The following LRP2 variants were observed in gnomAD, a reference collection of about 807,000 sequenced individuals.
LRP2 encodes LDL receptor related protein 2.
A neutral mutation model predicts 531.0 loss-of-function variants in LRP2; 172 were observed. That is an observed-to-expected ratio of 0.32 (90% CI 0.29 to 0.37). The LOEUF is 0.37. Among genes scored for constraint, LRP2 ranks in the 10% least tolerant of loss-of-function variants. LRP2 has a pLI of 1.00. For synonymous variants in LRP2, 1,992 were observed against 2,027.6 expected (o/e 0.98, Z 0.47); for missense variants, 5,167 against 5,868.3 (o/e 0.88, Z 3.90).
chr2:169,247,545 T>C (rs1421874289), intron 19 of LRP2, 30 bp from the exon 20 acceptor site: 1 of 1,612,920 alleles, frequency 6.2e-7, no homozygotes, highest in Non-Finnish European at 8.5e-7. Context: ...GATTAGTATT[T>C]TCAGTCACAG....
chr2:169,177,808 G>C lies in LRP2; in HGVS notation c.10388C>G (p.Pro3463Arg), dbSNP rs1687255672. 1 of 1,614,026 alleles carries C rather than the reference G, an allele frequency of 6.2e-7. No homozygotes were observed. Among genetic ancestry groups the C allele is most frequent in the Non-Finnish European group, 8.5e-7 (1 of 1,179,926 alleles). Reference sequence around the variant, plus strand: ...CCCCTCAATCACCTACTCACCAATGGGCTGCCTATATGGATGGTACACATG... The same window carrying C: ...CCCCTCAATCACCTACTCACCAATGCGCTGCCTATATGGATGGTACACATG... ...DIHVYHPYRQPIVSNPCGTNN... is the reference protein window; with the variant it reads ...DIHVYHPYRQRIVSNPCGTNN... Residue 3463 changes from proline to arginine, a missense_variant, in exon 53 of 79, where the codon CCC becomes CGC. Pro to Arg is a moderately radical substitution (Grantham distance 103). Around this residue, in one of 6 missense-constraint regions of LRP2, gnomAD observed 1,129 missense variants for 1,362.7 expected, o/e 0.83. Coordinates refer to ENST00000649046, the MANE Select transcript of LRP2 (RefSeq NM_004525.3).
In LRP2 at chr2:169,191,990, G is replaced by A. The variant is rs1040475934; in HGVS notation, c.8874C>T (p.Asp2958=). 1 of 1,614,084 alleles carries A rather than the reference G, an allele frequency of 6.2e-7. No individual in the cohort carries two copies. The highest frequency in any genetic ancestry group is 2.2e-5 in the East Asian group (1 of 44,886). The change falls in exon 48 of 79, where the codon GAC becomes GAT. Residue 2958 remains aspartate (D), a synonymous_variant. Transcript: ENST00000649046. ...GAATGCACCTCCTGTCCGGAGGTCT[G>A]TCATTTACACAGAGAAACTCGGAAT... ...CSDSEFLCVN[D]RPPDRRCIPQ... is the part of the protein sequence containing the mutation.
chr2:169,135,286 T>A (rs1330924082), intron 76 of LRP2, among the ~76,000 whole-genome samples: 1 of 152,062 alleles, frequency 6.6e-6, no homozygotes, highest in African/African-American at 2.4e-5. Flanking sequence ...AGCTCGGGGT[T>A]TTTCCCCCGC....
intron 6 of LRP2, among the ~76,000 whole-genome samples, chr2:169,293,260 C>T (rs1030409663): frequency 4.6e-5 from 7 of 152,096 alleles, no homozygotes; most frequent in African/African-American, 1.7e-4. Flanking sequence ...TTACTCTTTC[C>T]AAAAAACATA....
chr2:169,297,618 C>T (rs941355451), intron 4 of LRP2, among the ~76,000 whole-genome samples: 4 of 152,092 alleles, frequency 2.6e-5, no homozygotes, highest in African/African-American at 7.2e-5. Flanking sequence ...CAGATTTGTT[C>T]CCCCATAATT....
intron 16 of LRP2, among the ~76,000 whole-genome samples, chr2:169,265,664 A>G (rs1222700011): frequency 1.3e-5 from 2 of 152,054 alleles, no homozygotes; most frequent in African/African-American, 4.8e-5. Flanking sequence ...TACCCAGCCA[A>G]ACAGTCAAGA....
At chr2:169,194,391 C>T (rs2075247) in intron 46 of LRP2, among the ~76,000 whole-genome samples, 47,314 of 151,914 alleles carry the variant, frequency 0.31, 7,844 homozygotes, top group East Asian at 0.54. Flanking sequence ...AATATTAGCT[C>T]CATGTGGGTA....
At chr2:169,247,113 C>T in intron 20 of LRP2, 127 bp from the exon 21 acceptor site, 1 of 1,182,986 alleles carries the variant, frequency 8.5e-7, no homozygotes, top group African/African-American at 1.5e-5. Flanking sequence ...AAGTAGCTTC[C>T]TCTTGGAAAT....
intron 4 of LRP2, among the ~76,000 whole-genome samples, chr2:169,302,531 G>A (rs1440446032): frequency 1.3e-5 from 2 of 152,170 alleles, no homozygotes; most frequent in Non-Finnish European, 2.9e-5. Flanking sequence ...ACATCTAGTG[G>A]ATAGAGGCCA....
chr2:169,259,358 A>C (rs912610755), intron 16 of LRP2, 141 bp from the exon 17 acceptor site: 41 of 636,446 alleles, frequency 6.4e-5, no homozygotes, highest in Non-Finnish European at 9.0e-5. Flanking sequence ...AAAAAAAAAA[A>C]AAAAAAAACT....
intron 33 of LRP2, 85 bp downstream of exon 33, chr2:169,225,225 A>G (rs1469823971): frequency 7.0e-7 from 1 of 1,420,574 alleles, no homozygotes; most frequent in Non-Finnish European, 9.9e-7. Flanking sequence ...ATGATTCCAA[A>G]ATCCACGTGA....
intron 20 of LRP2, among the ~76,000 whole-genome samples, 162 bp downstream of exon 20, chr2:169,247,216 G>T (rs182430059): frequency 6.6e-6 from 1 of 152,300 alleles, no homozygotes; most frequent in East Asian, 1.9e-4. Context: ...GCATTGAACA[G>T]AGATTTCAAG....
chr2:169,209,001 G>A (rs1226484696), intron 38 of LRP2, among the ~76,000 whole-genome samples: 1 of 152,018 alleles, frequency 6.6e-6, no homozygotes, highest in East Asian at 1.9e-4. Flanking sequence ...CATGATCTAA[G>A]GGATTTTTAT....
chr2:169,245,032 C>A, intron 21 of LRP2, 100 bp from the exon 22 acceptor site: 1 of 1,253,774 alleles, frequency 8.0e-7, no homozygotes. Context: ...TTAATGGAGG[C>A]ATTGTATATA....
At chr2:169,287,575 T>G (rs1462175648) in intron 9 of LRP2, among the ~76,000 whole-genome samples, 1 of 152,090 alleles carries the variant, frequency 6.6e-6, no homozygotes, top group Non-Finnish European at 1.5e-5. Context: ...AATTTCAAGT[T>G]TAATTTGCAA....
intron 4 of LRP2, among the ~76,000 whole-genome samples, chr2:169,298,302 C>T (rs972810923): frequency 2.6e-5 from 4 of 152,060 alleles, no homozygotes; most frequent in Admixed American, 2.6e-4. Flanking sequence ...CTCATTTCAT[C>T]TTCATAACAA....
intron 36 of LRP2, among the ~76,000 whole-genome samples, chr2:169,213,337 G>A (rs1352907743): frequency 6.6e-6 from 1 of 152,202 alleles, no homozygotes; most frequent in Middle Eastern, 3.4e-3. Context: ...CCGTACAGAG[G>A]TTATATTCTA....
At chr2:169,211,260 C>T (rs1219604150) in intron 37 of LRP2, among the ~76,000 whole-genome samples, 1 of 152,132 alleles carries the variant, frequency 6.6e-6, no homozygotes, top group Non-Finnish European at 1.5e-5. Context: ...TTCCTTTCTA[C>T]CCTCTATTTC....
intron 48 of LRP2, 114 bp from the exon 49 acceptor site, chr2:169,188,379 C>T (rs996629833): frequency 6.0e-5 from 59 of 979,482 alleles, no homozygotes; most frequent in African/African-American, 4.3e-4. Context: ...TCAACCATTT[C>T]GACAAGATCA....
Sources: allele counts gnomAD v4.1 joint callset (sites outside exome capture counted in the v4.1 genomes callset), GRCh38; gene constraint gnomAD v4.1.1; regional missense constraint gnomAD v4.1.1; transcripts MANE v1.5; gene names NCBI Gene and HGNC (gene_info 2026-07-23, HGNC 2026-07-21).